Variants in LRFN5 observed in about 807,000 individuals in gnomAD.
The protein encoded by LRFN5 is leucine-rich repeat and fibronectin type-III domain-containing protein 5.
LRFN5 carries 24 observed loss-of-function variants against 45.6 expected under a neutral mutation model. That is an observed-to-expected ratio of 0.53 (90% confidence interval 0.38 to 0.74). The LOEUF (loss-of-function observed/expected upper bound fraction) is 0.74, where lower values mean the gene tolerates loss of function less well. LRFN5 is among the 30% of genes least tolerant of loss of function. The pLI, the probability that LRFN5 is intolerant of heterozygous loss-of-function variation, is 0.00. For synonymous variants in LRFN5, 340 were observed against 313.8 expected (o/e 1.08, Z -0.88); for missense variants, 776 against 861.5 (o/e 0.90, Z 1.24).
At chr14:41,702,708 T>C (rs1188906108) in intron 1 of LRFN5, among the ~76,000 whole-genome samples, 1 of 151,758 alleles carries the variant, frequency 6.6e-6, no homozygotes, top group African/African-American at 2.4e-5. Flanking sequence ...AGAGCCATCC[T>C]CCTGCTTGGG....
At chr14:41,629,484 A>G (rs1332129259) in intron 1 of LRFN5, among the ~76,000 whole-genome samples, 1 of 152,240 alleles carries the variant, frequency 6.6e-6, no homozygotes, top group East Asian at 1.9e-4. Context: ...TACTTAGGTT[A>G]GACAAATACC....
chr14:41,833,571 C>T (rs1302749761), intron 2 of LRFN5, among the ~76,000 whole-genome samples: 1 of 152,180 alleles, frequency 6.6e-6, no homozygotes, highest in Non-Finnish European at 1.5e-5. Flanking sequence ...GAGTTTCCTT[C>T]GTCATTGTCT....
At chr14:41,741,599 A>G (rs1003399042) in intron 1 of LRFN5, among the ~76,000 whole-genome samples, 5 of 151,732 alleles carry the variant, frequency 3.3e-5, no homozygotes, top group Non-Finnish European at 7.4e-5. Context: ...CTACTAGAAG[A>G]AAATGTAGGG....
At chr14:41,706,909 G>T (rs1883089905) in intron 1 of LRFN5, among the ~76,000 whole-genome samples, 1 of 152,164 alleles carries the variant, frequency 6.6e-6, no homozygotes, top group African/African-American at 2.4e-5. Context: ...GGTCCAGTCT[G>T]TGTTCTGTTG....
At chr14:41,871,640 A>C (rs529341934) in intron 2 of LRFN5, among the ~76,000 whole-genome samples, 1 of 152,236 alleles carries the variant, frequency 6.6e-6, no homozygotes, top group East Asian at 1.9e-4. Flanking sequence ...AGAAATTTCA[A>C]ATAGCACATA....
At chr14:41,847,662 G>A (rs939954831) in intron 2 of LRFN5, among the ~76,000 whole-genome samples, 1 of 151,798 alleles carries the variant, frequency 6.6e-6, no homozygotes, top group Admixed American at 6.6e-5. Context: ...TCAAAGTGAA[G>A]AAATGTTTCC....
chr14:41,818,603 T>C (rs925895896), intron 2 of LRFN5, among the ~76,000 whole-genome samples: 2 of 152,040 alleles, frequency 1.3e-5, no homozygotes, highest in African/African-American at 4.8e-5. Flanking sequence ...GTGGGCTAAT[T>C]GGCTATATTC....
intron 3 of LRFN5, among the ~76,000 whole-genome samples, chr14:41,889,342 C>G (rs985509490): frequency 6.6e-6 from 1 of 151,930 alleles, no homozygotes; most frequent in South Asian, 2.1e-4. Flanking sequence ...CTCGTCATTA[C>G]AAGGGAGAAA....
intron 1 of LRFN5, among the ~76,000 whole-genome samples, chr14:41,626,560 T>C (rs1888340100): frequency 6.6e-6 from 1 of 152,050 alleles, no homozygotes; most frequent in African/African-American, 2.4e-5. Flanking sequence ...ACTTTTGACT[T>C]ACGTGATAAA....
intron 1 of LRFN5, among the ~76,000 whole-genome samples, chr14:41,634,829 C>T (rs1395899431): frequency 6.6e-6 from 1 of 152,038 alleles, no homozygotes; most frequent in Non-Finnish European, 1.5e-5. Context: ...TTTGCTTTTA[C>T]ATACACTGGA....
chr14:41,611,293 T>G (rs1299846943), intron 1 of LRFN5, among the ~76,000 whole-genome samples: 1 of 152,220 alleles, frequency 6.6e-6, no homozygotes, highest in Non-Finnish European at 1.5e-5. Flanking sequence ...CAGAAGTTCC[T>G]AAGGCGGGGG....
intron 2 of LRFN5, among the ~76,000 whole-genome samples, chr14:41,784,833 TAGTC>T (rs573502603): frequency 0.013 from 1,975 of 152,236 alleles, 19 homozygotes; most frequent in Non-Finnish European, 0.018. Context: ...TTCACCATGT[TAGTC>T]AGGCTGGTCT....
chr14:41,824,266 CT>C (rs1406901733), intron 2 of LRFN5, among the ~76,000 whole-genome samples: 1 of 152,196 alleles, frequency 6.6e-6, no homozygotes, highest in Non-Finnish European at 1.5e-5. Context: ...AATTATTACA[CT>C]GTGTTTTATC....
Position 41,886,599 on chromosome 14 carries a change from G to T in LRFN5, c.-20-7G>T. ...GCTAACATTCTATTTTGTGTCTTCC[G>T]TTACAGGCTCTTAAACCTGATCTAC... is the stretch of plus-strand genomic sequence containing the variant. On this transcript the variant is annotated splice_region_variant and splice_polypyrimidine_tract_variant and intron_variant, in intron 2 of 5. Coordinates refer to ENST00000298119, the MANE Select transcript of LRFN5 (RefSeq NM_152447.5). The T allele has an allele frequency of 6.6e-7, 1 of 1,519,470 alleles. No homozygotes were observed. Among genetic ancestry groups the T allele is most frequent in the Non-Finnish European group, 8.8e-7 (1 of 1,133,680 alleles). 94.1% of individuals were successfully genotyped at this position (1,519,470 alleles called of 1,614,324 possible).
At chr14:41,894,905 T>C in intron 4 of LRFN5, 5 of 983,836 alleles carry the variant, frequency 5.1e-6, no homozygotes, top group Non-Finnish European at 6.0e-6. Context: ...AACAGTCATA[T>C]ATATGTGATC....
chr14:41,682,247 AAATAAT>A (rs373861274), intron 1 of LRFN5, among the ~76,000 whole-genome samples: 5 of 148,308 alleles, frequency 3.4e-5, no homozygotes, highest in South Asian at 2.1e-4. Flanking sequence ...CTTCATCTTA[AAATAAT>A]AATAATAATA....
intron 2 of LRFN5, among the ~76,000 whole-genome samples, chr14:41,768,454 G>T (rs1458567551): frequency 6.6e-6 from 1 of 151,896 alleles, no homozygotes; most frequent in Non-Finnish European, 1.5e-5. Context: ...CCTATATTTT[G>T]TTACCTGGTA....
At chr14:41,889,126 A>G (rs1008493234) in intron 3 of LRFN5, among the ~76,000 whole-genome samples, 23 of 150,422 alleles carry the variant, frequency 1.5e-4, no homozygotes, top group African/African-American at 5.6e-4. Flanking sequence ...ATATATATAT[A>G]TATATTCTGT....
chr14:41,619,234 C>G (rs1336687934), intron 1 of LRFN5, among the ~76,000 whole-genome samples: 1 of 152,036 alleles, frequency 6.6e-6, no homozygotes, highest in Non-Finnish European at 1.5e-5. Flanking sequence ...TGCACAATTA[C>G]TTTATTCTGG....
Sources: allele counts gnomAD v4.1 joint callset (sites outside exome capture counted in the v4.1 genomes callset), GRCh38; gene constraint gnomAD v4.1.1; transcripts MANE v1.5; gene names NCBI Gene and HGNC (gene_info 2026-07-23, HGNC 2026-07-21).